Variants in TBC1D31 observed in about 807,000 individuals in gnomAD.
TBC1D31 encodes the protein WD repeat domain 67.
In TBC1D31, 99 loss-of-function variants were observed where a neutral mutation model predicts 132.9. The observed-to-expected ratio is 0.74, with a 90% confidence interval of 0.63 to 0.88. The LOEUF (loss-of-function observed/expected upper bound fraction) is 0.88. TBC1D31 is among the 40% of genes least tolerant of loss of function. The pLI, the probability that TBC1D31 is intolerant of heterozygous loss-of-function variation, is 0.00. For missense variants in TBC1D31, 1,134 were observed against 1,256.6 expected (o/e 0.90, Z 1.48); for synonymous variants, 385 against 419.4 (o/e 0.92, Z 1.00).
At chr8:123,097,509 GCT>G in intron 6 of TBC1D31, 68 bp downstream of exon 6, 1 of 1,474,142 alleles carries the variant, frequency 6.8e-7, no homozygotes, top group South Asian at 1.3e-5. Context: ...AACTATATTA[GCT>G]CTTATTTATT....
intron 10 of TBC1D31, among the ~76,000 whole-genome samples, chr8:123,116,951 C>A (rs553603322): frequency 6.6e-6 from 1 of 152,274 alleles, no homozygotes; most frequent in East Asian, 1.9e-4. Flanking sequence ...TAGAAAATCA[C>A]TATTGGGACA....
chr8:123,101,799 A>T (rs1163469009), intron 7 of TBC1D31, among the ~76,000 whole-genome samples: 1 of 152,062 alleles, frequency 6.6e-6, no homozygotes, highest in Non-Finnish European at 1.5e-5. Flanking sequence ...TTCATTAACT[A>T]CTCTGGACTA....
intron 8 of TBC1D31, among the ~76,000 whole-genome samples, chr8:123,106,514 T>C (rs1817933796): frequency 1.3e-5 from 2 of 152,256 alleles, no homozygotes; most frequent in South Asian, 4.1e-4. Context: ...TAAACTTTAT[T>C]ATAGGTATGT....
intron 18 of TBC1D31, 60 bp downstream of exon 18, chr8:123,140,961 T>A: frequency 6.7e-7 from 1 of 1,487,096 alleles, no homozygotes; most frequent in African/African-American, 1.4e-5. Flanking sequence ...GTCACCCTCT[T>A]AAGAGAACAA....
the TBC1D31 span, among the ~76,000 whole-genome samples, chr8:123,161,380 C>T: frequency 1.9e-4 from 29 of 152,360 alleles, no homozygotes; most frequent in African/African-American, 6.5e-4. Flanking sequence ...TTCCTCCCAG[C>T]TAAGCGCCTT....
At chr8:123,072,950 C>T (rs1044612165) in intron 1 of TBC1D31, 104 bp downstream of exon 1, 48 of 1,169,384 alleles carry the variant, frequency 4.1e-5, no homozygotes, top group Non-Finnish European at 5.1e-5. Context: ...TCTGACCTTG[C>T]CCCGCATCCC....
intron 4 of TBC1D31, among the ~76,000 whole-genome samples, chr8:123,090,824 A>G (rs574630623): frequency 1.5e-4 from 23 of 152,166 alleles, no homozygotes; most frequent in Non-Finnish European, 2.9e-4. Flanking sequence ...ATGTTGGCAC[A>G]TGCTGTAGTC....
At chr8:123,095,927 G>A (rs1360572810) in intron 5 of TBC1D31, among the ~76,000 whole-genome samples, 5 of 152,026 alleles carry the variant, frequency 3.3e-5, no homozygotes, top group South Asian at 2.1e-4. Flanking sequence ...CTTTTCTCAC[G>A]CTGTTCTTCT....
At chr8:123,111,751 G>A (rs530894720) in intron 10 of TBC1D31, among the ~76,000 whole-genome samples, 76 of 152,050 alleles carry the variant, frequency 5.0e-4, no homozygotes, top group African/African-American at 1.8e-3. Flanking sequence ...TAATAACAAT[G>A]TGAATATTAT....
Position 123,076,169 on chromosome 8 carries a change from G to A in TBC1D31, c.78-942G>A, listed in dbSNP as rs185150969. Among the ~76,000 whole-genome samples, 20 of 152,170 alleles carry A rather than the reference G, an allele frequency of 1.3e-4. 1 individual carries two copies. The highest frequency in any genetic ancestry group is 7.4e-5 in the Non-Finnish European group (5 of 67,986). On this transcript the variant is annotated intron_variant, in intron 1 of 21. Coordinates refer to ENST00000287380, the MANE Select transcript of TBC1D31 (RefSeq NM_145647.4). ...GGCAGGAGTGCGGTGGCATGATCATGGCTCACTGAAGCCTTGACCTCCCCA... is the reference window on the plus strand; with the variant it reads ...GGCAGGAGTGCGGTGGCATGATCATAGCTCACTGAAGCCTTGACCTCCCCA...
In TBC1D31 at chr8:123,134,218, T is replaced by C; in HGVS notation, c.2499+12T>C. The C allele has an allele frequency of 1.2e-6, 2 of 1,610,000 alleles. No homozygotes were observed. Among genetic ancestry groups the C allele is most frequent in the Middle Eastern group, 1.7e-4 (1 of 6,050 alleles). On this transcript the variant is annotated intron_variant, in intron 17 of 21. Transcript: ENST00000287380. ...GACTTTATGAGAAGGTATAATTCAG[T>C]TATTTCCAACATAAGAAAAGCAGGT...
intron 16 of TBC1D31, among the ~76,000 whole-genome samples, chr8:123,130,882 A>G (rs1293393546): frequency 6.6e-6 from 1 of 151,490 alleles, no homozygotes; most frequent in East Asian, 2.0e-4. Flanking sequence ...TTGGCCTCCC[A>G]AAGTGCTGGG....
At chr8:123,142,581 G>C in intron 19 of TBC1D31, 125 bp downstream of exon 19, 1 of 689,684 alleles carries the variant, frequency 1.4e-6, no homozygotes, top group Non-Finnish European at 2.2e-6. Flanking sequence ...CAATCTGCCT[G>C]CATCAGCCTC....
intron 11 of TBC1D31, chr8:123,123,367 G>A: frequency 5.4e-6 from 1 of 185,402 alleles, no homozygotes; most frequent in African/African-American, 2.3e-5. Flanking sequence ...AGAAGTTCGA[G>A]GATCCCAATG....
the TBC1D31 span, among the ~76,000 whole-genome samples, chr8:123,158,073 A>G: frequency 6.8e-6 from 1 of 146,674 alleles, no homozygotes; most frequent in Non-Finnish European, 1.5e-5. Context: ...TAACCGTGGA[A>G]GCGGTGAGTT....
At chr8:123,077,855 C>G (rs1486952624) in intron 2 of TBC1D31, among the ~76,000 whole-genome samples, 1 of 152,124 alleles carries the variant, frequency 6.6e-6, no homozygotes, top group South Asian at 2.1e-4. Flanking sequence ...TCGAGACCAG[C>G]TTGGCCAACG....
intron 4 of TBC1D31, among the ~76,000 whole-genome samples, chr8:123,090,621 G>C (rs1050361469): frequency 1.3e-5 from 2 of 152,052 alleles, no homozygotes; most frequent in African/African-American, 4.8e-5. Context: ...GCTAATATTA[G>C]TATCCTAAAC....
Position 123,100,838 on chromosome 8 carries a change from T to C in TBC1D31, c.863T>C (p.Met288Thr), listed in dbSNP as rs747419915. The stretch of plus-strand genomic sequence containing the variant: ...GGAGTACTAAGTCAAGATGGTATTA[T>C]GAGATTTATCAATATGCAGACTTGT... Reference protein sequence around the residue: ...VLGVLSQDGIMRFINMQTCKL... With the variant: ...VLGVLSQDGITRFINMQTCKL... The change falls in exon 7 of 22, where the codon ATG becomes ACG. Residue 288 changes from methionine to threonine, a missense_variant. Coordinates refer to ENST00000287380, the MANE Select transcript of TBC1D31 (RefSeq NM_145647.4). 1.2e-6 allele frequency: 2 copies of C among 1,612,172 alleles called. No individual in the cohort carries two copies. The highest frequency in any genetic ancestry group is 1.7e-6 in the Non-Finnish European group (2 of 1,178,280).
chr8:123,143,172 C>T (rs150769152), intron 19 of TBC1D31, among the ~76,000 whole-genome samples: 4 of 152,132 alleles, frequency 2.6e-5, no homozygotes, highest in African/African-American at 7.2e-5. Flanking sequence ...AGCACAAGTG[C>T]GAATGTTCTG....
Sources: allele counts gnomAD v4.1 joint callset (sites outside exome capture counted in the v4.1 genomes callset), GRCh38; gene constraint gnomAD v4.1.1; transcripts MANE v1.5; gene names NCBI Gene and HGNC (gene_info 2026-07-23, HGNC 2026-07-21).